Variants in ADK observed in about 807,000 individuals in gnomAD.
The protein encoded by ADK is N6,N6-dimethyladenosine kinase.
A neutral mutation model predicts 44.7 loss-of-function variants in ADK; 24 were observed. The observed-to-expected ratio is 0.54, with a 90% confidence interval of 0.39 to 0.76. ADK has a LOEUF of 0.76. Among genes scored for constraint, ADK ranks in the 30% least tolerant of loss-of-function variants. The probability of loss-of-function intolerance (pLI) is 0.00; values close to 1 mark genes in which losing one functional copy is unlikely to be tolerated. For synonymous variants in ADK, 128 were observed against 142.6 expected (o/e 0.90, Z 0.73); for missense variants, 321 against 425.1 (o/e 0.76, Z 2.15).
chr10:74,272,590 C>A (rs12571088), intron 3 of ADK, among the ~76,000 whole-genome samples: 98,690 of 151,988 alleles, frequency 0.65, 33,295 homozygotes, highest in Middle Eastern at 0.8. Flanking sequence ...CATTTTCTAC[C>A]TCTGATTATA....
rs1856687133 is a variant in ADK at position 74,708,557 on chromosome 10, A to C, written c.*112A>C. 4 of 1,226,952 alleles carry C rather than the reference A, an allele frequency of 3.3e-6. No individual in the cohort carries two copies. The Admixed American group carries it at 8.1e-5, about 25-fold the overall frequency. 76.0% of individuals were successfully genotyped at this position (1,226,952 alleles called of 1,614,324 possible). A position where few individuals can be genotyped will look rare whatever the true frequency, so the allele number is the denominator to read the frequency against. ...ATCTGCCATTTTTTCCTACTATAAT[A>C]ATGCTGAATCTTAATTTAGAGGGTA... On this transcript the variant is annotated 3_prime_UTR_variant, in exon 11 of 11. Transcript: ENST00000539909.
intron 6 of ADK, among the ~76,000 whole-genome samples, chr10:74,524,425 G>T (rs1033463695): frequency 6.6e-6 from 1 of 152,080 alleles, no homozygotes; most frequent in Non-Finnish European, 1.5e-5. Flanking sequence ...CAAGGTCTCC[G>T]TGTATTTCCC....
intron 6 of ADK, among the ~76,000 whole-genome samples, chr10:74,484,272 G>A (rs992796480): frequency 6.6e-6 from 1 of 152,058 alleles, no homozygotes; most frequent in Non-Finnish European, 1.5e-5. Flanking sequence ...ACAAGAGGGA[G>A]GTGCTACACA....
At chr10:74,686,827 G>A (rs1342166762) in intron 10 of ADK, among the ~76,000 whole-genome samples, 7 of 151,844 alleles carry the variant, frequency 4.6e-5, no homozygotes, top group Admixed American at 1.3e-4. Context: ...ACAGGTGTGC[G>A]CCACCACGCC....
chr10:74,576,005 A>G (rs1482522203), intron 7 of ADK, among the ~76,000 whole-genome samples: 1 of 152,204 alleles, frequency 6.6e-6, no homozygotes, highest in Non-Finnish European at 1.5e-5. Flanking sequence ...AAAGTGTCAA[A>G]AGGACACAGA....
intron 4 of ADK, among the ~76,000 whole-genome samples, chr10:74,370,082 G>A (rs1317717902): frequency 6.6e-6 from 1 of 152,128 alleles, no homozygotes. Flanking sequence ...AGATCTGGAA[G>A]ACCTTTACTC....
chr10:74,201,774 A>G (rs2132155812), intron 2 of ADK, among the ~76,000 whole-genome samples: 1 of 151,982 alleles, frequency 6.6e-6, no homozygotes, highest in Non-Finnish European at 1.5e-5. Flanking sequence ...CCCACTGGTC[A>G]TCTTACAATG....
rs142209539 is a variant in ADK, at chr10:74,541,836, A to G, written c.726+16410A>G. On this transcript the variant is annotated intron_variant, in intron 7 of 10. Transcript: ENST00000539909. ...AAAAACAACACAACACAGAAATGCT[A>G]TTGTGTCTTTTTTCATGCGTTATAC... Among the ~76,000 whole-genome samples the G allele has an allele frequency of 7.8e-3, 1,059 of 135,134 alleles. 6 individuals carry two copies. The highest frequency in any genetic ancestry group is 0.015 in the Admixed American group (184 of 12,264). 88.7% of individuals were successfully genotyped at this position (135,134 alleles called of 152,430 possible).
At chr10:74,383,659 A>C (rs1843049140) in intron 4 of ADK, among the ~76,000 whole-genome samples, 2 of 152,192 alleles carry the variant, frequency 1.3e-5, no homozygotes, top group Non-Finnish European at 2.9e-5. Flanking sequence ...GAAACAATTA[A>C]ACCTGGTGTT....
At chr10:74,469,595 C>A (rs1415339250) in intron 6 of ADK, among the ~76,000 whole-genome samples, 1 of 152,110 alleles carries the variant, frequency 6.6e-6, no homozygotes, top group Admixed American at 6.5e-5. Flanking sequence ...AACTCCTGGC[C>A]TCAAGTGATC....
intron 6 of ADK, among the ~76,000 whole-genome samples, chr10:74,463,172 A>G (rs1846229431): frequency 6.6e-6 from 1 of 152,024 alleles, no homozygotes; most frequent in African/African-American, 2.4e-5. Context: ...TTTGGCACCA[A>G]GGACTGTTTC....
intron 10 of ADK, among the ~76,000 whole-genome samples, chr10:74,692,724 G>C (rs4746220): frequency 6.6e-6 from 1 of 152,118 alleles, no homozygotes; most frequent in Non-Finnish European, 1.5e-5. Flanking sequence ...GATATGTATA[G>C]ATACATAGGT....
chr10:74,496,451 A>G (rs1847690629), intron 6 of ADK, among the ~76,000 whole-genome samples: 1 of 152,198 alleles, frequency 6.6e-6, no homozygotes, highest in Admixed American at 6.5e-5. Flanking sequence ...CGCTGCTTGC[A>G]TTCATTCTCT....
intron 4 of ADK, among the ~76,000 whole-genome samples, chr10:74,356,574 T>G (rs1486431364): frequency 6.6e-6 from 1 of 152,180 alleles, no homozygotes; most frequent in African/African-American, 2.4e-5. Flanking sequence ...ATAGTAGGAT[T>G]TTTCCTTTCT....
intron 6 of ADK, among the ~76,000 whole-genome samples, chr10:74,480,402 G>GT (rs775366106): frequency 2.6e-5 from 4 of 151,382 alleles, no homozygotes; most frequent in African/African-American, 9.7e-5. Flanking sequence ...CTAATTTGTT[G>GT]TTTTTTGTTG....
chr10:74,156,343 A>G (rs957849600), intron 1 of ADK, among the ~76,000 whole-genome samples: 2 of 152,150 alleles, frequency 1.3e-5, no homozygotes, highest in Non-Finnish European at 2.9e-5. Flanking sequence ...TCCTGGCCAC[A>G]TGGTGTGGCT....
At chr10:74,390,978 C>T (rs1383606112) in intron 4 of ADK, among the ~76,000 whole-genome samples, 1 of 152,128 alleles carries the variant, frequency 6.6e-6, no homozygotes, top group African/African-American at 2.4e-5. Context: ...TTCCCCATTC[C>T]ATGTTTGTGT....
chr10:74,349,747 A>G (rs1403882652), intron 4 of ADK, among the ~76,000 whole-genome samples: 1 of 152,186 alleles, frequency 6.6e-6, no homozygotes, highest in Non-Finnish European at 1.5e-5. Flanking sequence ...AAAGCAAAAA[A>G]AAAAGCAGGG....
intron 6 of ADK, among the ~76,000 whole-genome samples, chr10:74,480,780 A>G (rs1022343560): frequency 6.6e-6 from 1 of 152,212 alleles, no homozygotes; most frequent in Admixed American, 6.5e-5. Flanking sequence ...ATAGAGTAAT[A>G]TGGTAGCTCA....
Sources: allele counts gnomAD v4.1 joint callset (sites outside exome capture counted in the v4.1 genomes callset), GRCh38; gene constraint gnomAD v4.1.1; transcripts MANE v1.5; gene names NCBI Gene and HGNC (gene_info 2026-07-23, HGNC 2026-07-21).